Variants in GPHN observed in about 807,000 individuals in gnomAD.
The protein encoded by GPHN is gephyrin.
A neutral mutation model predicts 95.5 loss-of-function variants in GPHN; 17 were observed. That is an observed-to-expected ratio of 0.18 (90% CI 0.12 to 0.27). The LOEUF (loss-of-function observed/expected upper bound fraction) is 0.27. GPHN is among the 10% of genes least tolerant of loss of function. The probability of loss-of-function intolerance (pLI) is 1.00; values close to 1 mark genes in which losing one functional copy is unlikely to be tolerated. For missense variants in GPHN, 660 were observed against 978.1 expected, an observed-to-expected ratio of 0.67 and a Z score of 4.34; for synonymous variants, 320 against 322.5, an observed-to-expected ratio of 0.99 and a Z score of 0.08.
At chr14:66,765,167 C>G (rs1241712710) in intron 2 of GPHN, among the ~76,000 whole-genome samples, 2 of 152,146 alleles carry the variant, frequency 1.3e-5, no homozygotes, top group Non-Finnish European at 2.9e-5. Flanking sequence ...CAAAAAAGAA[C>G]AGGTACTGAC....
intron 11 of GPHN, among the ~76,000 whole-genome samples, chr14:67,070,343 A>T (rs2076237562): frequency 6.7e-6 from 1 of 148,448 alleles, no homozygotes; most frequent in Non-Finnish European, 1.5e-5. Context: ...ATATATATAT[A>T]TACACACATA....
rs1213156625 is a variant in GPHN, at chr14:66,584,418, C to T, written c.64+75827C>T. ...TGATTGTTCTGGCCAGAACTTCCAA[C>T]ACTATGTTGAATAGGAGTGGTGAGA... On this transcript the variant is annotated intron_variant, in intron 1 of 22. Transcript: ENST00000478722. Among the ~76,000 whole-genome samples, 3 of 152,100 alleles carry T rather than the reference C, an allele frequency of 2.0e-5. No homozygotes were observed. In the East Asian group the frequency reaches 5.8e-4, roughly 29 times the overall value.
At chr14:67,452,826 G>A in the GPHN span, among the ~76,000 whole-genome samples, 4 of 152,148 alleles carry the variant, frequency 2.6e-5, no homozygotes, top group South Asian at 8.3e-4. Flanking sequence ...TATTTCCAGG[G>A]CTCAGATATG....
At chr14:66,760,529 A>G in intron 2 of GPHN, 1 of 268,402 alleles carries the variant, frequency 3.7e-6, no homozygotes, top group East Asian at 1.0e-4. Context: ...ACGCGGGTTC[A>G]ACATGCATAT....
the GPHN span, among the ~76,000 whole-genome samples, chr14:67,314,432 C>G: frequency 6.6e-6 from 1 of 152,180 alleles, no homozygotes; most frequent in Non-Finnish European, 1.5e-5. Flanking sequence ...AGGCTAGAAA[C>G]AGATTTTGTC....
intron 1 of GPHN, among the ~76,000 whole-genome samples, chr14:66,591,092 G>T (rs533710576): frequency 6.6e-6 from 1 of 152,016 alleles, no homozygotes; most frequent in African/African-American, 2.4e-5. Flanking sequence ...AAAGGCCTCC[G>T]ATAAAATTCA....
chr14:66,984,267 A>G (rs2070874922), intron 9 of GPHN, among the ~76,000 whole-genome samples: 1 of 152,256 alleles, frequency 6.6e-6, no homozygotes, highest in African/African-American at 2.4e-5. Flanking sequence ...ATCAAAGAAA[A>G]CAGCACAAGA....
At chr14:66,826,941 C>G (rs2061406919) in intron 4 of GPHN, among the ~76,000 whole-genome samples, 1 of 152,102 alleles carries the variant, frequency 6.6e-6, no homozygotes, top group Non-Finnish European at 1.5e-5. Context: ...CTGAGGCTAT[C>G]TAGGCACCCA....
intron 10 of GPHN, among the ~76,000 whole-genome samples, chr14:67,034,422 C>T (rs1810526718): frequency 6.6e-6 from 1 of 151,986 alleles, no homozygotes; most frequent in Non-Finnish European, 1.5e-5. Flanking sequence ...ACAAGACGGA[C>T]AGAAAACAAC....
the GPHN span, among the ~76,000 whole-genome samples, chr14:67,203,940 GACCTC>G: frequency 3.3e-5 from 5 of 152,154 alleles, no homozygotes; most frequent in Non-Finnish European, 5.9e-5. Flanking sequence ...TTGAACTCCT[GACCTC>G]AGGTGATCCA....
chr14:67,638,049 C>T, the GPHN span, among the ~76,000 whole-genome samples: 1 of 152,150 alleles, frequency 6.6e-6, no homozygotes, highest in African/African-American at 2.4e-5. Flanking sequence ...GGCATGAGAG[C>T]CACAAGCCAG....
the GPHN span, among the ~76,000 whole-genome samples, chr14:67,379,911 C>T: frequency 6.6e-6 from 1 of 152,096 alleles, no homozygotes; most frequent in Non-Finnish European, 1.5e-5. Context: ...GCCTCGGCCT[C>T]CCAAAGTGTC....
intron 1 of GPHN, among the ~76,000 whole-genome samples, chr14:66,652,379 G>T (rs1003551486): frequency 6.6e-6 from 1 of 151,810 alleles, no homozygotes; most frequent in Middle Eastern, 3.2e-3. Context: ...ATACAAATGT[G>T]TATATTTTGT....
At chr14:67,228,433 A>G in the GPHN span, 4,081 of 320,852 alleles carry the variant, frequency 0.013, 32 homozygotes, top group Non-Finnish European at 0.015. Flanking sequence ...TTTTAAAATC[A>G]GATACAAACT....
chr14:66,605,527 A>ATTT (rs59245552), intron 1 of GPHN, among the ~76,000 whole-genome samples: 1,840 of 116,392 alleles, frequency 0.016, 110 homozygotes, highest in African/African-American at 0.046. Context: ...TCCTTTGCCG[A>ATTT]TTTTTTTTTT....
chr14:67,343,625 G>A, the GPHN span, among the ~76,000 whole-genome samples: 310 of 152,352 alleles, frequency 2.0e-3, 1 homozygote, highest in African/African-American at 7.1e-3. Context: ...AATACTTTGG[G>A]AGGCTGAGGT....
chr14:67,391,065 T>C, the GPHN span, among the ~76,000 whole-genome samples: 1 of 152,226 alleles, frequency 6.6e-6, no homozygotes, highest in South Asian at 2.1e-4. Flanking sequence ...AGGTGTCAGC[T>C]GGGCTGGGAG....
chr14:67,087,280 T>A (rs1013584987), intron 11 of GPHN, among the ~76,000 whole-genome samples: 3 of 142,772 alleles, frequency 2.1e-5, no homozygotes, highest in African/African-American at 7.8e-5. Context: ...TCTGAGCTGA[T>A]GTATAGCTTA....
chr14:67,724,581 C>G, the GPHN span: 1 of 1,612,618 alleles, frequency 6.2e-7, no homozygotes, highest in East Asian at 2.2e-5. Context: ...CCAGAGAGCT[C>G]GCTAGCCGAG....
Sources: gnomAD v4.1 joint callset for allele counts (sites outside exome capture counted in the v4.1 genomes callset) on GRCh38, gnomAD v4.1.1 for gene constraint, MANE v1.5 for transcripts, NCBI Gene and HGNC (gene_info 2026-07-23, HGNC 2026-07-21) for gene names.